Variants in LCK observed in about 807,000 individuals in gnomAD.
The protein encoded by LCK is LCK proto-oncogene, Src family tyrosine kinase, also known as tyrosine-protein kinase Lck.
In LCK, 14 loss-of-function variants were observed where a neutral mutation model predicts 64.6. The observed-to-expected ratio is 0.22, with a 90% CI of 0.14 to 0.34. The LOEUF is 0.34. Among genes scored for constraint, LCK ranks in the 10% least tolerant of loss-of-function variants. The pLI is 1.00. For missense variants in LCK, 434 were observed against 668.1 expected (o/e 0.65, Z 3.86); for synonymous variants, 277 against 263.6 (o/e 1.05, Z -0.49).
intron 1 of LCK, 184 bp from the exon 2 acceptor site, chr1:32,274,141 G>C (rs1341187006): frequency 3.6e-5 from 47 of 1,318,984 alleles, no homozygotes; most frequent in Non-Finnish European, 4.6e-5. Context: ...TGAGGGCTCA[G>C]AGGGAGCACC....
In LCK at chr1:32,275,690, T is replaced by TCGAC. The variant is rs1453395888; in HGVS notation, c.481+21_481+24dup. On this transcript the variant is annotated intron_variant, in intron 6 of 12. Transcript: ENST00000336890. This position sits in a 1 kb window ranked among gnomAD's most constrained non-coding sequence, Gnocchi z 6.9. ...CACCGCGGGTGAGCGGGCGGCGGTC[T>TCGAC]CGACCGGGCGCGGGGGTGCCCCGGG... 6.5e-7 allele frequency: 1 copy of TCGAC among 1,549,158 alleles called. No homozygotes were observed. The highest frequency in any genetic ancestry group is 8.7e-7 in the Non-Finnish European group (1 of 1,148,186).
At chr1:32,259,816 C>T (rs1455128529) in intron 1 of LCK, among the ~76,000 whole-genome samples, 7 of 151,510 alleles carry the variant, frequency 4.6e-5, no homozygotes, top group Admixed American at 4.6e-4. Flanking sequence ...GAGGGCAAGA[C>T]CCTGTCTCAA....
At position 32,275,820 on chromosome 1, in the gene LCK, T is replaced by A; in HGVS notation, c.482-94T>A. 1 of 1,470,268 alleles carries A rather than the reference T, an allele frequency of 6.8e-7. No homozygotes were observed. Among genetic ancestry groups the A allele is most frequent in the South Asian group, 1.2e-5 (1 of 80,436 alleles). 91.1% of individuals were successfully genotyped at this position (1,470,268 alleles called of 1,614,324 possible). A position where few individuals can be genotyped will look rare whatever the true frequency, so the allele number is the denominator to read the frequency against. ...GGTGGGGGCGCGGGATGACCCGGAG[T>A]TGGGGGTGCTGGGTGAGCCCAAGGT... On this transcript the variant is annotated intron_variant, in intron 6 of 12. Transcript: ENST00000336890. This position sits in a 1 kb window ranked among gnomAD's most constrained non-coding sequence, Gnocchi z 6.9.
Position 32,275,497 on chromosome 1 carries a change from G to A in LCK, c.378-72G>A, listed in dbSNP as rs1439908516. ...AGCAGGGAGTAGGCCTGGGGTGGCG[G>A]TGAAGGCTTGAGGGCCACGGAGGAA... On this transcript the variant is annotated intron_variant, in intron 5 of 12. Coordinates refer to ENST00000336890, the MANE Select transcript of LCK (RefSeq NM_005356.5). This position sits in a 1 kb window ranked among gnomAD's most constrained non-coding sequence, Gnocchi z 6.9. 1 of 1,565,850 alleles carries A rather than the reference G, an allele frequency of 6.4e-7. No individual in the cohort carries two copies. The highest frequency in any genetic ancestry group is 2.3e-5 in the East Asian group (1 of 43,028).
intron 1 of LCK, among the ~76,000 whole-genome samples, chr1:32,254,085 T>C (rs777324274): frequency 2.0e-5 from 3 of 152,052 alleles, no homozygotes; most frequent in African/African-American, 4.8e-5. Flanking sequence ...GGGACCAAGG[T>C]ACCATCCAGT....
intron 1 of LCK, among the ~76,000 whole-genome samples, chr1:32,271,052 G>C (rs1242730749): frequency 6.8e-6 from 1 of 146,234 alleles, no homozygotes; most frequent in Non-Finnish European, 1.5e-5. Flanking sequence ...CCAGGCTGGA[G>C]TGCAGTGGCA....
At chr1:32,277,653 C>G (rs1640323320) in intron 9 of LCK, among the ~76,000 whole-genome samples, 1 of 152,102 alleles carries the variant, frequency 6.6e-6, no homozygotes, top group African/African-American at 2.4e-5. Flanking sequence ...CTCAGTTTCC[C>G]CAAGTATAAC....
At chr1:32,270,137 GTCTC>G (rs1370560013) in intron 1 of LCK, among the ~76,000 whole-genome samples, 4 of 151,760 alleles carry the variant, frequency 2.6e-5, no homozygotes, top group African/African-American at 9.7e-5. Flanking sequence ...TTTAGACAGA[GTCTC>G]TGTCACCCAA....
intron 1 of LCK, among the ~76,000 whole-genome samples, chr1:32,273,250 A>G (rs1202386971): frequency 1.7e-5 from 2 of 116,936 alleles, no homozygotes; most frequent in African/African-American, 3.4e-5. Flanking sequence ...TCTGTGTGTG[A>G]GTGTGTGGGG....
chr1:32,271,001 CTTT>C (rs34162389), intron 1 of LCK, among the ~76,000 whole-genome samples: 2 of 123,352 alleles, frequency 1.6e-5, no homozygotes, highest in Non-Finnish European at 3.4e-5. Context: ...CGCGCCTGGC[CTTT>C]TTTTTTTTTT....
chr1:32,260,377 C>A (rs1005610076), intron 1 of LCK, among the ~76,000 whole-genome samples: 1 of 152,116 alleles, frequency 6.6e-6, no homozygotes, highest in African/African-American at 2.4e-5. Flanking sequence ...AACTTCTGAG[C>A]TCAAGTGATT....
Position 32,276,946 on chromosome 1 carries a change from C to A in LCK, c.964+160C>A. The A allele has an allele frequency of 1.4e-6, 1 of 695,298 alleles. No homozygotes were observed. The highest frequency in any genetic ancestry group is 2.2e-6 in the Non-Finnish European group (1 of 450,650). The allele number at this position is 695,298 out of a possible 1,614,324, so 43.1% of individuals were successfully genotyped here. On this transcript the variant is annotated intron_variant, in intron 9 of 12. Coordinates refer to ENST00000336890, the MANE Select transcript of LCK (RefSeq NM_005356.5). This position sits in a 1 kb window ranked among gnomAD's most constrained non-coding sequence, Gnocchi z 4.6. ...ACTCACCTCCAGCCGGGCGCGGTGG[C>A]TCAGGCCTGTAATCCCAGCACTTTG... is the stretch of plus-strand genomic sequence containing the variant.
At chr1:32,261,624 C>T (rs373709684) in intron 1 of LCK, among the ~76,000 whole-genome samples, 6 of 135,360 alleles carry the variant, frequency 4.4e-5, no homozygotes, top group Middle Eastern at 4.0e-3. Context: ...CTAGCCTGGG[C>T]GACACAGTGA....
intron 1 of LCK, among the ~76,000 whole-genome samples, chr1:32,271,095 G>A (rs1261876227): frequency 6.6e-6 from 1 of 150,738 alleles, no homozygotes; most frequent in Non-Finnish European, 1.5e-5. Context: ...TGAGCTCCTG[G>A]GCTCAAGTGA....
In LCK at chr1:32,251,894, A is replaced by AAGAGAGAGAGAG. The variant is rs4012161; in HGVS notation, c.-6+555_-6+566dup. ...CCCCAGTGACAAGAATCTCCTGAGA[A>AAGAGAGAGAGAG]AGAGAGAGAGAGAGAGAGAGAGAGA... On this transcript the variant is annotated intron_variant, in intron 1 of 12. Coordinates refer to ENST00000336890, the MANE Select transcript of LCK (RefSeq NM_005356.5). The surrounding 1 kb of genome is among the most constrained non-coding windows in gnomAD (Gnocchi z 4.0). Among the ~76,000 whole-genome samples the AAGAGAGAGAGAG allele has an allele frequency of 2.1e-3, 273 of 132,328 alleles. No individual in the cohort carries two copies. Among genetic ancestry groups the AAGAGAGAGAGAG allele is most frequent in the African/African-American group, 7.3e-3 (257 of 35,232 alleles). 86.8% of individuals were successfully genotyped at this position (132,328 alleles called of 152,430 possible).
chr1:32,264,250 A>G (rs867579978), intron 1 of LCK, among the ~76,000 whole-genome samples: 41 of 152,098 alleles, frequency 2.7e-4, no homozygotes, highest in African/African-American at 9.4e-4. Flanking sequence ...TTGATGGGAA[A>G]TGGACCCTAC....
At chr1:32,253,179 G>A (rs12124085) in intron 1 of LCK, among the ~76,000 whole-genome samples, 147,702 of 152,290 alleles carry the variant, frequency 0.97, 71,656 homozygotes, top group East Asian at 1. Context: ...CAGGCTGGCC[G>A]ACATGGTGAA....
At chr1:32,272,767 T>G (rs917753620) in intron 1 of LCK, among the ~76,000 whole-genome samples, 12 of 151,486 alleles carry the variant, frequency 7.9e-5, no homozygotes, top group Middle Eastern at 6.8e-3. Context: ...GCTGTGTGTG[T>G]GGGGGTGTGT....
chr1:32,268,079 A>G (rs971450029), intron 1 of LCK, among the ~76,000 whole-genome samples: 2 of 151,842 alleles, frequency 1.3e-5, no homozygotes, highest in African/African-American at 4.8e-5. Context: ...CTGTAGTCCC[A>G]GCTACTAGGG....
Sources: gnomAD v4.1 joint callset for allele counts (sites outside exome capture counted in the v4.1 genomes callset) on GRCh38, gnomAD v4.1.1 for gene constraint, Gnocchi (gnomAD v3.1) non-coding constraint, MANE v1.5 for transcripts, NCBI Gene and HGNC (gene_info 2026-07-23, HGNC 2026-07-21) for gene names.